The following ZFYVE26 variants were observed in gnomAD, a reference collection of about 807,000 sequenced individuals.
ZFYVE26 encodes the protein zinc finger FYVE domain-containing protein 26.
ZFYVE26 carries 181 observed loss-of-function variants against 276.5 expected under a neutral mutation model. The observed-to-expected ratio is 0.65, with a 90% CI of 0.58 to 0.74. The LOEUF is 0.74. Ranked by LOEUF, ZFYVE26 falls within the 30% of genes least tolerant of loss-of-function variation. The pLI, the probability that ZFYVE26 is intolerant of heterozygous loss-of-function variation, is 0.00. For missense variants in ZFYVE26, 2,821 were observed against 3,097.9 expected (o/e 0.91, Z 2.12); for synonymous variants, 1,129 against 1,203.1 (o/e 0.94, Z 1.27).
At chr14:67,759,243 T>TG (rs1555394076) in intron 35 of ZFYVE26, among the ~76,000 whole-genome samples, 21 of 21,392 alleles carry the variant, frequency 9.8e-4, no homozygotes, top group Non-Finnish European at 1.1e-3. Flanking sequence ...AGACTCTGTC[T>TG]GAAAAAAAAA....
chr14:67,782,228 C>A (rs2235963), intron 21 of ZFYVE26, among the ~76,000 whole-genome samples: 1 of 151,944 alleles, frequency 6.6e-6, no homozygotes, highest in African/African-American at 2.4e-5. Flanking sequence ...TCTGGTTACA[C>A]GTCAGAATTT....
At position 67,781,314 on chromosome 14, in the gene ZFYVE26, T is replaced by C; in HGVS notation, c.4569+19A>G. The C allele has an allele frequency of 6.2e-7, 1 of 1,613,890 alleles. No individual in the cohort carries two copies. Among genetic ancestry groups the C allele is most frequent in the Non-Finnish European group, 8.5e-7 (1 of 1,179,946 alleles). The stretch of plus-strand genomic sequence containing the variant: ...GAGTGAGAAGCCCGTTCCCTTTCTC[T>C]TGATGCGAGGGCCCATACCTTCTGA... On this transcript the variant is annotated intron_variant, in intron 22 of 41. Transcript: ENST00000347230.
rs1305710562 is a variant in ZFYVE26, at chr14:67,790,636, G to A, written c.2691C>T (p.Ser897=). The A allele has an allele frequency of 6.2e-7, 1 of 1,614,176 alleles. No homozygotes were observed. Among genetic ancestry groups the A allele is most frequent in the Non-Finnish European group, 8.5e-7 (1 of 1,180,014 alleles). The stretch of plus-strand genomic sequence containing the variant: ...GGCCACTGCCAGTTCTCCGAATGGT[G>A]CTGCTACCCGCATCTGAGTTCTGGT... The part of the protein sequence containing the change: ...IENQNSDAGS[S]TIRRTGSGRS... The change falls in exon 15 of 42, where the codon AGC becomes AGT. Residue 897 remains serine, a synonymous_variant. Coordinates refer to ENST00000347230, the MANE Select transcript of ZFYVE26 (RefSeq NM_015346.4).
chr14:67,769,294 T>C (rs185609100), intron 29 of ZFYVE26, among the ~76,000 whole-genome samples: 1 of 152,186 alleles, frequency 6.6e-6, no homozygotes, highest in East Asian at 1.9e-4. Context: ...AATAGGTGAA[T>C]TGGTGAACTA....
intron 14 of ZFYVE26, among the ~76,000 whole-genome samples, chr14:67,792,449 G>A (rs2039838669): frequency 6.6e-6 from 1 of 152,088 alleles, no homozygotes; most frequent in Non-Finnish European, 1.5e-5. Context: ...ACATTCCTAT[G>A]AGGTAGAAAA....
At chr14:67,743,578 T>C (rs976536289), downstream of ZFYVE26, among the ~76,000 whole-genome samples, 1 of 151,974 alleles carries the variant, frequency 6.6e-6, no homozygotes, top group African/African-American at 2.4e-5. Context: ...ATATATTCAC[T>C]GAAGAAGGAA....
At chr14:67,732,417 G>A (rs1333277814) in intron 13 of ZFYVE26, among the ~76,000 whole-genome samples, 5 of 120,410 alleles carry the variant, frequency 4.2e-5, no homozygotes, top group Non-Finnish European at 6.8e-5. Flanking sequence ...GTGATGAAGT[G>A]AGACCCTATC....
chr14:67,784,864 C>T (rs2039606765), intron 19 of ZFYVE26, among the ~76,000 whole-genome samples, 195 bp downstream of exon 19: 1 of 152,150 alleles, frequency 6.6e-6, no homozygotes, highest in Non-Finnish European at 1.5e-5. Flanking sequence ...ATTGAGTACT[C>T]CCATGTGCTA....
rs1319003141 is a variant in ZFYVE26, at chr14:67,762,399, G to T, written c.6173C>A (p.Thr2058Asn). The stretch of plus-strand genomic sequence containing the variant: ...CCACGCCCCGGTGGTATCAAGCCCA[G>T]TCTTTGTGGAGACCTGGGAGAAAAA... ...YQLGVEVSTK[T>N]GLDTTGAWHA... The change falls in exon 34 of 42, where the codon ACT (threonine) becomes AAT (asparagine). Residue 2058 changes from threonine to asparagine, a missense_variant. By Grantham distance (65) the Thr-to-Asn change is moderately conservative. Transcript: ENST00000347230. 1.2e-6 allele frequency: 2 copies of T among 1,613,950 alleles called. No homozygotes were observed.
intron 2 of ZFYVE26, among the ~76,000 whole-genome samples, chr14:67,815,131 A>G (rs996125971): frequency 1.3e-5 from 2 of 152,232 alleles, no homozygotes; most frequent in African/African-American, 4.8e-5. Context: ...TCTGATCCTT[A>G]TTACAGTGGG....
chr14:67,780,343 A>G lies in ZFYVE26; in HGVS notation c.4572T>C (p.Ile1524=). ...KLAELQVYQK[I]LGLQSPPVWC... Reference sequence around the variant, plus strand: ...ACACTGGGGGAGACTGCAAACCCAGAATCTAAGGAAAGACAAGAAAATCCG... The same window carrying G: ...ACACTGGGGGAGACTGCAAACCCAGGATCTAAGGAAAGACAAGAAAATCCG... The change falls in exon 23 of 42, where the codon ATT becomes ATC. Residue 1524 remains isoleucine, a splice_region_variant and synonymous_variant. Coordinates refer to ENST00000347230, the MANE Select transcript of ZFYVE26 (RefSeq NM_015346.4). 1 of 1,612,812 alleles carries G rather than the reference A, an allele frequency of 6.2e-7. No individual in the cohort carries two copies. The highest frequency in any genetic ancestry group is 8.5e-7 in the Non-Finnish European group (1 of 1,179,498).
At position 67,816,066 on chromosome 14, in the gene ZFYVE26, A is replaced by G. The variant is rs367909379; in HGVS notation, c.-83-20T>C. 2,783 of 949,530 alleles carry G rather than the reference A, an allele frequency of 2.9e-3. 80 individuals carry two copies. In the South Asian group the frequency reaches 0.042, roughly 14 times the overall value. The allele number at this position is 949,530 out of a possible 1,614,324, so 58.8% of individuals were successfully genotyped here. ...TACCTCCTAGAAACAACACAACGCCAGTGAGAAGAAACAGAAGGCACTGTA... is the reference window on the plus strand; with the variant it reads ...TACCTCCTAGAAACAACACAACGCCGGTGAGAAGAAACAGAAGGCACTGTA... On this transcript the variant is annotated intron_variant, in intron 1 of 41. Coordinates refer to ENST00000347230, the MANE Select transcript of ZFYVE26 (RefSeq NM_015346.4).
intron 22 of ZFYVE26, among the ~76,000 whole-genome samples, chr14:67,780,665 A>C (rs573395362): frequency 1.3e-5 from 2 of 152,260 alleles, no homozygotes; most frequent in East Asian, 1.9e-4. Context: ...AACTCCACCC[A>C]AGATATTCTT....
chr14:67,806,548 A>G lies in ZFYVE26; in HGVS notation c.1014T>C (p.Ile338=). ...LSNNKHFLEQ[I]LVTALTLLKE... is the part of the protein sequence containing the mutation. ...TGAACAATTAAGCTTGACTTACCAG[A>G]ATCTGCTCGAGGAAGTGTTTGTTGT... The change falls in exon 6 of 42, where the codon ATT becomes ATC. Residue 338 remains isoleucine (I), a synonymous_variant. Transcript: ENST00000347230. The G allele has an allele frequency of 6.2e-7, 1 of 1,614,204 alleles. No individual in the cohort carries two copies. The highest frequency in any genetic ancestry group is 8.5e-7 in the Non-Finnish European group (1 of 1,180,010).
In ZFYVE26 at chr14:67,785,287, G is replaced by A. The variant is rs948493869; in HGVS notation, c.3305-10C>T. The A allele has an allele frequency of 6.3e-7, 1 of 1,584,720 alleles. No individual in the cohort carries two copies. The highest frequency in any genetic ancestry group is 1.1e-5 in the South Asian group (1 of 88,340). On this transcript the variant is annotated splice_polypyrimidine_tract_variant and intron_variant, in intron 18 of 41. Transcript: ENST00000347230. ...GGAGGAGTCCTGGGCTCTGAGAGGA[G>A]GATGGCAGGAGAAAGGACACAGGCT...
chr14:67,740,504 T>C (rs897753621), intron 13 of ZFYVE26, among the ~76,000 whole-genome samples: 1 of 152,232 alleles, frequency 6.6e-6, no homozygotes, highest in Non-Finnish European at 1.5e-5. Context: ...AATTTTATGA[T>C]TTTTGTAAAA....
At chr14:67,731,220 T>C (rs2038269193) in intron 13 of ZFYVE26, among the ~76,000 whole-genome samples, 2 of 143,242 alleles carry the variant, frequency 1.4e-5, no homozygotes, top group Non-Finnish European at 3.0e-5. Flanking sequence ...TTTTTTTTTT[T>C]TTTTTTTTTT....
Position 67,789,525 on chromosome 14 carries a change from G to A in ZFYVE26, c.2829C>T (p.Leu943=). The change falls in exon 16 of 42, where the codon CTC becomes CTT. Residue 943 remains leucine (L), a synonymous_variant. Coordinates refer to ENST00000347230, the MANE Select transcript of ZFYVE26 (RefSeq NM_015346.4). The part of the protein sequence containing the change: ...LNTSGDPIPM[L]QEDFWISTAL... Reference sequence around the variant, plus strand: ...CCGTGCTTATCCAAAAGTCCTCCTGGAGCATGGGGATGGGGTCTCCAGAGG... The same window carrying A: ...CCGTGCTTATCCAAAAGTCCTCCTGAAGCATGGGGATGGGGTCTCCAGAGG... The A allele has an allele frequency of 6.2e-7, 1 of 1,614,158 alleles. No homozygotes were observed.
chr14:67,731,207 C>CTTTTTTTTTT (rs71129853), intron 13 of ZFYVE26, among the ~76,000 whole-genome samples: 1 of 90,622 alleles, frequency 1.1e-5, no homozygotes, highest in African/African-American at 4.9e-5. Context: ...TTCTTTCTTT[C>CTTTTTTTTTT]TTTTTTTTTT....
Sources: allele counts gnomAD v4.1 joint callset (sites outside exome capture counted in the v4.1 genomes callset), GRCh38; gene constraint gnomAD v4.1.1; transcripts MANE v1.5; gene names NCBI Gene and HGNC (gene_info 2026-07-23, HGNC 2026-07-21).